The following COPG1 variants were observed in gnomAD, a reference collection of about 807,000 sequenced individuals.
COPG1 encodes coatomer subunit gamma-1.
COPG1 carries 29 observed loss-of-function variants against 102.8 expected under a neutral mutation model. The ratio of observed to expected loss-of-function variants is 0.28; its 90% CI spans 0.21 to 0.38. COPG1 has a LOEUF of 0.38. Ranked by LOEUF, COPG1 falls within the 10% of genes least tolerant of loss-of-function variation. COPG1 has a pLI of 1.00. For synonymous variants in COPG1, 406 were observed against 421.6 expected (o/e 0.96, Z 0.45); for missense variants, 875 against 1,132.7 (o/e 0.77, Z 3.27).
At chr3:129,260,545 T>C in intron 11 of COPG1, 74 bp from the exon 12 acceptor site, 1 of 1,557,242 alleles carries the variant, frequency 6.4e-7, no homozygotes, top group South Asian at 1.1e-5. Context: ...AAAGGACTTC[T>C]GACTGGGCCA....
In COPG1 at chr3:129,272,845, A is replaced by G; in HGVS notation, c.2197A>G (p.Lys733Glu). 1 of 1,613,330 alleles carries G rather than the reference A, an allele frequency of 6.2e-7. No individual in the cohort carries two copies. Among genetic ancestry groups the G allele is most frequent in the Non-Finnish European group, 8.5e-7 (1 of 1,179,430 alleles). ...TFSCMMKFTV[K>E]DCDPTTGETD... ...CAGCTGCATGATGAAGTTCACTGTC[A>G]AGGACTGTGATCCCACCACTGGGGA... The change falls in exon 21 of 24, where the codon AAG becomes GAG. Residue 733 changes from lysine to glutamate, a missense_variant. Physicochemically the swap from Lys to Glu is moderately conservative, Grantham distance 56 (BLOSUM62 1). Transcript: ENST00000314797.
chr3:129,263,860 C>G lies in COPG1; in HGVS notation c.1129-44C>G, dbSNP rs114896291. ...CACTCAGGGAACTGAGTCACCCCATCTTGGTGGCAGGGCCTGCTGCTCATG... is the reference window on the plus strand; with the variant it reads ...CACTCAGGGAACTGAGTCACCCCATGTTGGTGGCAGGGCCTGCTGCTCATG... On this transcript the variant is annotated intron_variant, in intron 12 of 23. Coordinates refer to ENST00000314797, the MANE Select transcript of COPG1 (RefSeq NM_016128.4). The G allele has an allele frequency of 5.0e-3, 7,872 of 1,561,990 alleles. 34 individuals are homozygous for G. The highest frequency in any genetic ancestry group is 5.3e-3 in the Non-Finnish European group (6,012 of 1,132,774).
intron 2 of COPG1, among the ~76,000 whole-genome samples, chr3:129,251,659 T>A (rs918150764): frequency 2.0e-5 from 3 of 151,470 alleles, no homozygotes; most frequent in African/African-American, 7.3e-5. Context: ...GTGCTGGGAT[T>A]ATAAGCGTGA....
Position 129,257,642 on chromosome 3 carries a change from C to G in COPG1, c.737+15C>G, listed in dbSNP as rs763580442. ...GAGGATGGCAGGTAACGGCTCTCAT[C>G]TCTCACCAGCTAGATGATGCCTCAC... On this transcript the variant is annotated intron_variant, in intron 9 of 23. Transcript: ENST00000314797. 2.7e-5 allele frequency: 43 copies of G among 1,614,078 alleles called. No homozygotes were observed. Among genetic ancestry groups the G allele is most frequent in the Non-Finnish European group, 3.6e-5 (43 of 1,180,022 alleles).
chr3:129,252,780 A>G (rs1939726549), intron 4 of COPG1, 86 bp downstream of exon 4: 4 of 1,533,464 alleles, frequency 2.6e-6, no homozygotes, highest in Non-Finnish European at 3.6e-6. Flanking sequence ...CCCACCAGTC[A>G]GTGTGGGCTG....
rs1372465979 is a variant in COPG1 at position 129,256,037 on chromosome 3, C to T, written c.493-31C>T. On this transcript the variant is annotated intron_variant, in intron 7 of 23. Coordinates refer to ENST00000314797, the MANE Select transcript of COPG1 (RefSeq NM_016128.4). ...GAATGTGTGATGGGGACACTTCCTA[C>T]CTGCCCCTTAATGTGTCCTGTTGCC... The T allele has an allele frequency of 1.9e-6, 3 of 1,599,100 alleles. No individual in the cohort carries two copies. In the South Asian group the frequency reaches 3.3e-5, roughly 18 times the overall value.
chr3:129,254,647 A>T, intron 5 of COPG1, 21 bp from the exon 6 acceptor site: 1 of 1,608,254 alleles, frequency 6.2e-7, no homozygotes, highest in South Asian at 1.1e-5. Flanking sequence ...CTGCATGCTG[A>T]CAATGCCTTC....
Position 129,271,961 on chromosome 3 carries a change from C to T in COPG1, c.1986+52C>T, listed in dbSNP as rs1158581135. 2 of 1,594,036 alleles carry T rather than the reference C, an allele frequency of 1.3e-6. No homozygotes were observed. The highest frequency in any genetic ancestry group is 1.7e-5 in the Admixed American group (1 of 58,006). ...TGGGGCATGCGCCCAGGGAGTTGTC[C>T]CAGGTCTGGCAGGTCCTGTAGGGTC... On this transcript the variant is annotated intron_variant, in intron 19 of 23. Coordinates refer to ENST00000314797, the MANE Select transcript of COPG1 (RefSeq NM_016128.4). The surrounding 1 kb of genome is among the most constrained non-coding windows in gnomAD (Gnocchi z 4.7).
At chr3:129,253,040 T>C (rs1371516299) in intron 5 of COPG1, 85 bp downstream of exon 5, 40 of 1,211,044 alleles carry the variant, frequency 3.3e-5, no homozygotes, top group Non-Finnish European at 4.7e-5. Context: ...CAGTGAGACT[T>C]GGTTGCATAT....
intron 15 of COPG1, 93 bp downstream of exon 15, chr3:129,267,192 A>C (rs1940078598): frequency 1.1e-6 from 1 of 928,580 alleles, no homozygotes; most frequent in African/African-American, 1.7e-5. Flanking sequence ...CTGAAAAGGG[A>C]GAGAAAAGTT....
At position 129,274,864 on chromosome 3, in the gene COPG1, T is replaced by C. The variant is rs772738235; in HGVS notation, c.2283T>C (p.Ala761=). 52 of 1,614,054 alleles carry C rather than the reference T, an allele frequency of 3.2e-5. No individual in the cohort carries two copies. Among genetic ancestry groups the C allele is most frequent in the Non-Finnish European group, 3.3e-5 (39 of 1,180,030 alleles). Residue 761 remains alanine, a synonymous_variant, in exon 22 of 24, where the codon GCT becomes GCC. Transcript: ENST00000314797. ...TGGAAGATCTGGAAGTTACTGTAGC[T>C]GATCACATTCAAAAGGTCATGAAAC... ...YVLEDLEVTV[A]DHIQKVMKLN...
chr3:129,252,486 G>A, intron 3 of COPG1, 125 bp downstream of exon 3: 1 of 1,016,192 alleles, frequency 9.8e-7, no homozygotes. Context: ...GCTCAGCTCT[G>A]GGTCCCCTCA....
intron 5 of COPG1, chr3:129,254,295 C>CA (rs62829860): frequency 0.12 from 18,313 of 156,510 alleles, 2,691 homozygotes; most frequent in African/African-American, 0.36. Flanking sequence ...GACTCTGTCT[C>CA]AAAAAAAAAA....
chr3:129,254,774 G>A (rs370883000), intron 6 of COPG1, 31 bp downstream of exon 6: 2 of 1,597,304 alleles, frequency 1.3e-6, no homozygotes, highest in African/African-American at 1.3e-5. Flanking sequence ...CCTGCTTCCT[G>A]GCCTCTTGAT....
chr3:129,267,274 A>G, intron 15 of COPG1, 175 bp downstream of exon 15: 1 of 512,376 alleles, frequency 2.0e-6, no homozygotes. Flanking sequence ...TGCAAATTGC[A>G]CCAACCAGAT....
chr3:129,250,604 A>G, intron 1 of COPG1, 78 bp from the exon 2 acceptor site: 1 of 1,146,466 alleles, frequency 8.7e-7, no homozygotes, highest in Non-Finnish European at 1.3e-6. Flanking sequence ...AGGAAGGGAC[A>G]TCTTCCCTTT....
At position 129,272,329 on chromosome 3, in the gene COPG1, G is replaced by C. The variant is rs1940198624; in HGVS notation, c.2072G>C (p.Cys691Ser). Residue 691 changes from cysteine (C) to serine (S), a missense_variant, in exon 20 of 24, where the codon TGT becomes TCT. Coordinates refer to ENST00000314797, the MANE Select transcript of COPG1 (RefSeq NM_016128.4). ...CCCACTGAGGCCTATGAGGTGCTCT[G>C]TTACGTGCCTGCCCGGAGCCTGCCC... ...MEPTEAYEVL[C>S]YVPARSLPYN... is the part of the protein sequence containing the mutation. 6.2e-7 allele frequency: 1 copy of C among 1,614,006 alleles called. No individual in the cohort carries two copies. Among genetic ancestry groups the C allele is most frequent in the Non-Finnish European group, 8.5e-7 (1 of 1,180,002 alleles).
chr3:129,265,446 T>A, intron 13 of COPG1, 103 bp from the exon 14 acceptor site: 1 of 1,429,398 alleles, frequency 7.0e-7, no homozygotes, highest in East Asian at 2.3e-5. Context: ...AAGTGCCCTG[T>A]CTCCAAGTTC....
chr3:129,254,755 C>G lies in COPG1; in HGVS notation c.399+12C>G, dbSNP rs80019867. ...GCCAGATCACTGATGTGAGTCGTGC[C>G]GGTTCCTCCCTGCTTCCTGGCCTCT... On this transcript the variant is annotated intron_variant, in intron 6 of 23. Coordinates refer to ENST00000314797, the MANE Select transcript of COPG1 (RefSeq NM_016128.4). The G allele has an allele frequency of 0.013, 21,110 of 1,610,506 alleles. 936 individuals are homozygous for G. The highest frequency in any genetic ancestry group is 0.091 in the South Asian group (8,256 of 90,962).
Sources: gnomAD v4.1 joint callset for allele counts (sites outside exome capture counted in the v4.1 genomes callset) on GRCh38, gnomAD v4.1.1 for gene constraint, Gnocchi (gnomAD v3.1) non-coding constraint, MANE v1.5 for transcripts, NCBI Gene and HGNC (gene_info 2026-07-23, HGNC 2026-07-21) for gene names.